CDC27: variants seen among roughly 807,000 people sequenced by gnomAD.
CDC27 encodes cell division cycle 27.
CDC27 carries 27 observed loss-of-function variants against 109.7 expected under a neutral mutation model. That is an observed-to-expected ratio of 0.25 (90% CI 0.18 to 0.34). The LOEUF (loss-of-function observed/expected upper bound fraction) is 0.34. Among genes scored for constraint, CDC27 ranks in the 10% least tolerant of loss-of-function variants. CDC27 has a pLI of 1.00. For missense variants in CDC27, 579 were observed against 960.2 expected, an observed-to-expected ratio of 0.60 and a Z score of 5.25; for synonymous variants, 266 against 333.9, an observed-to-expected ratio of 0.80 and a Z score of 2.22.
chr17:47,120,752 A>G lies in CDC27; in HGVS notation c.*183T>C. On this transcript the variant is annotated 3_prime_UTR_variant, in exon 19 of 19. Coordinates refer to ENST00000066544, the MANE Select transcript of CDC27 (RefSeq NM_001256.6). ...TGGTAAAAGAGCCAGTCTTGTTAGC[A>G]GCTAAATATTGCACTGCCTTTCATT... The G allele has an allele frequency of 2.0e-6, 1 of 503,262 alleles. No individual in the cohort carries two copies. Among genetic ancestry groups the G allele is most frequent in the Non-Finnish European group, 3.6e-6 (1 of 280,446 alleles). 31.2% of individuals were successfully genotyped at this position (503,262 alleles called of 1,614,324 possible).
At chr17:47,132,674 T>C (rs975442295) in intron 14 of CDC27, among the ~76,000 whole-genome samples, 1 of 150,188 alleles carries the variant, frequency 6.7e-6, no homozygotes, top group Admixed American at 6.6e-5. Flanking sequence ...CAAAGAATCC[T>C]CCAGCCTCAG....
At chr17:47,141,754 A>G in intron 12 of CDC27, 99 bp downstream of exon 12, 3 of 640,506 alleles carry the variant, frequency 4.7e-6, no homozygotes, top group Non-Finnish European at 8.0e-6. Flanking sequence ...CATAATAAAT[A>G]CTGATCTTTT....
At chr17:47,126,721 T>C (rs906848964) in intron 16 of CDC27, among the ~76,000 whole-genome samples, 1 of 152,208 alleles carries the variant, frequency 6.6e-6, no homozygotes, top group Non-Finnish European at 1.5e-5. Flanking sequence ...AAACAAATAC[T>C]GATTTGCAAT....
At position 47,117,788 on chromosome 17, in the gene CDC27, T is replaced by C. The variant is rs920434930; in HGVS notation, c.*3147A>G. On this transcript the variant is annotated 3_prime_UTR_variant, in exon 19 of 19. Coordinates refer to ENST00000066544, the MANE Select transcript of CDC27 (RefSeq NM_001256.6). ...TTTAAAAATATAAATATATTAAGAG[T>C]GTAAGTTTTAAAAAATTAGATAAAC... The C allele has an allele frequency of 6.6e-6, 1 of 152,098 alleles. No homozygotes were observed. The highest frequency in any genetic ancestry group is 6.6e-5 in the Admixed American group (1 of 15,258). 9.4% of individuals were successfully genotyped at this position (152,098 alleles called of 1,614,324 possible).
At chr17:47,129,683 A>C (rs909495494) in intron 15 of CDC27, among the ~76,000 whole-genome samples, 162 bp from the exon 16 acceptor site, 1 of 152,250 alleles carries the variant, frequency 6.6e-6, no homozygotes, top group African/African-American at 2.4e-5. Context: ...ATTAATTACC[A>C]AATGATTAAT....
At chr17:47,133,185 C>G (rs1407599419) in intron 14 of CDC27, among the ~76,000 whole-genome samples, 1 of 146,084 alleles carries the variant, frequency 6.8e-6, no homozygotes, top group Non-Finnish European at 1.5e-5. Flanking sequence ...GTTGCCCAGG[C>G]TGGAGTGCAA....
intron 1 of CDC27, among the ~76,000 whole-genome samples, chr17:47,187,387 A>G (rs964699610): frequency 6.6e-6 from 1 of 152,032 alleles, no homozygotes; most frequent in East Asian, 1.9e-4. Context: ...TGCAAACTCC[A>G]TCTCCTGGGT....
chr17:47,153,607 A>T (rs1007854485), intron 8 of CDC27, among the ~76,000 whole-genome samples: 1 of 152,238 alleles, frequency 6.6e-6, no homozygotes, highest in Non-Finnish European at 1.5e-5. Context: ...TATAACTGTT[A>T]TTCACATATT....
intron 1 of CDC27, among the ~76,000 whole-genome samples, chr17:47,184,995 G>A (rs576419307): frequency 6.6e-6 from 1 of 152,240 alleles, no homozygotes; most frequent in Non-Finnish European, 1.5e-5. Flanking sequence ...CCTAAAAAAT[G>A]TTTAAGAGAA....
intron 8 of CDC27, 114 bp from the exon 9 acceptor site, chr17:47,152,032 G>T: frequency 1.2e-6 from 1 of 803,460 alleles, no homozygotes; most frequent in Non-Finnish European, 1.8e-6. Flanking sequence ...ATAATATACT[G>T]TCACCTTAAA....
intron 8 of CDC27, among the ~76,000 whole-genome samples, chr17:47,152,387 A>G (rs545627679): frequency 1.3e-5 from 2 of 152,280 alleles, no homozygotes; most frequent in South Asian, 4.1e-4. Context: ...AGTTCAGAGG[A>G]GTAGATTTTA....
chr17:47,127,983 G>C (rs2062199284), intron 16 of CDC27, among the ~76,000 whole-genome samples: 1 of 151,856 alleles, frequency 6.6e-6, no homozygotes, highest in Non-Finnish European at 1.5e-5. Flanking sequence ...CGGGATTATA[G>C]GGATTTTTAT....
chr17:47,189,031 G>T (rs758203179), intron 1 of CDC27, 115 bp downstream of exon 1: 65 of 1,510,008 alleles, frequency 4.3e-5, no homozygotes, highest in Non-Finnish European at 5.9e-5. Context: ...CACGGCAGCA[G>T]GGGAGGCGGG....
chr17:47,123,856 A>T, intron 17 of CDC27, 30 bp downstream of exon 17: 1 of 1,445,332 alleles, frequency 6.9e-7, no homozygotes, highest in Non-Finnish European at 9.4e-7. Context: ...TATGAAAGTC[A>T]CTGTTTGGGA....
At chr17:47,122,055 A>G (rs554522327) in intron 18 of CDC27, among the ~76,000 whole-genome samples, 1 of 152,066 alleles carries the variant, frequency 6.6e-6, no homozygotes, top group Non-Finnish European at 1.5e-5. Context: ...TTATAATTTT[A>G]ATTAAAGCCT....
chr17:47,188,763 A>G, intron 1 of CDC27: 3 of 1,098,372 alleles, frequency 2.7e-6, no homozygotes, highest in Non-Finnish European at 2.2e-6. Context: ...AAGATCACAC[A>G]AGCTCCGATC....
At chr17:47,124,147 TA>T (rs1183191669) in intron 16 of CDC27, among the ~76,000 whole-genome samples, 187 bp from the exon 17 acceptor site, 1 of 148,132 alleles carries the variant, frequency 6.8e-6, no homozygotes, top group East Asian at 2.0e-4. Context: ...CAATAGGTAC[TA>T]AGAAATGGCA....
chr17:47,118,330 T>C lies in CDC27; in HGVS notation c.*2605A>G, dbSNP rs2061918108. ...AAAATTAAAAATTTTAAGTGATGAATACAGAAAATGTAGGGACCACCTTTC... is the reference window on the plus strand; with the variant it reads ...AAAATTAAAAATTTTAAGTGATGAACACAGAAAATGTAGGGACCACCTTTC... On this transcript the variant is annotated 3_prime_UTR_variant, in exon 19 of 19. Coordinates refer to ENST00000066544, the MANE Select transcript of CDC27 (RefSeq NM_001256.6). 2 of 152,544 alleles carry C rather than the reference T, an allele frequency of 1.3e-5. No homozygotes were observed. The highest frequency in any genetic ancestry group is 1.3e-4 in the Admixed American group (2 of 15,266). The allele number at this position is 152,544 out of a possible 1,614,324, so 9.4% of individuals were successfully genotyped here. A position where few individuals can be genotyped will look rare whatever the true frequency, so the allele number is the denominator to read the frequency against.
chr17:47,166,779 TTTA>T (rs2063661765), intron 4 of CDC27, among the ~76,000 whole-genome samples: 1 of 152,214 alleles, frequency 6.6e-6, no homozygotes, highest in Non-Finnish European at 1.5e-5. Context: ...ATATGTCATA[TTTA>T]TTATCCCTTT....
Sources: allele counts gnomAD v4.1 joint callset (sites outside exome capture counted in the v4.1 genomes callset), GRCh38; gene constraint gnomAD v4.1.1; transcripts MANE v1.5; gene names NCBI Gene and HGNC (gene_info 2026-07-23, HGNC 2026-07-21).